The following TMPRSS11F variants were observed in gnomAD, a reference collection of about 807,000 sequenced individuals.
The protein encoded by TMPRSS11F is transmembrane protease serine 11F.
A neutral mutation model predicts 60.2 loss-of-function variants in TMPRSS11F; 47 were observed. That is an observed-to-expected ratio of 0.78 (90% CI 0.62 to 1.00). The LOEUF is 1.00. TMPRSS11F is among the 50% of genes least tolerant of loss of function. The probability of loss-of-function intolerance (pLI) is 0.00; values close to 1 mark genes in which losing one functional copy is unlikely to be tolerated. For synonymous variants in TMPRSS11F, 166 were observed against 167.3 expected (o/e 0.99, Z 0.06); for missense variants, 519 against 522.9 (o/e 0.99, Z 0.07).
intron 3 of TMPRSS11F, among the ~76,000 whole-genome samples, chr4:68,084,128 AT>A (rs1723759655): frequency 6.6e-6 from 1 of 152,158 alleles, no homozygotes; most frequent in South Asian, 2.1e-4. Context: ...GAAAAAAGAA[AT>A]TTTAAAAAAG....
intron 1 of TMPRSS11F, among the ~76,000 whole-genome samples, chr4:68,118,946 C>T (rs1445932289): frequency 6.6e-6 from 1 of 152,076 alleles, no homozygotes; most frequent in Non-Finnish European, 1.5e-5. Flanking sequence ...ATGAAAAAGT[C>T]ATGTTGAAAG....
chr4:68,102,355 C>G (rs776710132), intron 1 of TMPRSS11F, among the ~76,000 whole-genome samples: 1 of 152,106 alleles, frequency 6.6e-6, no homozygotes, highest in African/African-American at 2.4e-5. Flanking sequence ...ATTGCTGAGT[C>G]GTATGGTAGT....
At chr4:68,098,468 T>G (rs1402652857) in intron 2 of TMPRSS11F, among the ~76,000 whole-genome samples, 3 of 152,236 alleles carry the variant, frequency 2.0e-5, no homozygotes, top group Non-Finnish European at 4.4e-5. Flanking sequence ...ATCTGTTTTT[T>G]TCTTCAAAAA....
chr4:68,101,355 GA>G (rs768719796), intron 1 of TMPRSS11F, among the ~76,000 whole-genome samples: 39 of 152,058 alleles, frequency 2.6e-4, no homozygotes, highest in Non-Finnish European at 4.7e-4. Context: ...CCTAATTGTG[GA>G]AAAAAGGTCA....
intron 8 of TMPRSS11F, 36 bp from the exon 9 acceptor site, chr4:68,059,504 T>C (rs779691443): frequency 1.1e-5 from 17 of 1,595,618 alleles, no homozygotes; most frequent in Admixed American, 1.0e-4. Context: ...AAATAAACAG[T>C]ATTCCTCAAA....
intron 2 of TMPRSS11F, among the ~76,000 whole-genome samples, chr4:68,091,604 C>T (rs746527985): frequency 6.6e-6 from 1 of 151,966 alleles, no homozygotes; most frequent in Non-Finnish European, 1.5e-5. Context: ...TTACTTAAAC[C>T]TGCTCCACTT....
chr4:68,094,429 TG>T (rs1004867160), intron 2 of TMPRSS11F, among the ~76,000 whole-genome samples: 2 of 132,448 alleles, frequency 1.5e-5, no homozygotes, highest in African/African-American at 5.4e-5. Context: ...GGGATAGCAT[TG>T]GGAGATATAC....
intron 8 of TMPRSS11F, chr4:68,062,348 A>C: frequency 2.1e-6 from 1 of 471,974 alleles, no homozygotes; most frequent in South Asian, 1.6e-5. Flanking sequence ...TTTCCCAAAC[A>C]AGCTCTATCA....
At chr4:68,060,474 C>T (rs1271721893) in intron 8 of TMPRSS11F, among the ~76,000 whole-genome samples, 2 of 122,354 alleles carry the variant, frequency 1.6e-5, no homozygotes, top group Admixed American at 1.0e-4. Context: ...CAAGATGGCG[C>T]CACTGCACTC....
At chr4:68,066,674 G>A (rs547828510) in intron 7 of TMPRSS11F, among the ~76,000 whole-genome samples, 38 of 152,130 alleles carry the variant, frequency 2.5e-4, no homozygotes, top group African/African-American at 8.2e-4. Context: ...GGTGGTTCAC[G>A]CCTATAATCC....
chr4:68,081,201 T>C (rs111836839), intron 3 of TMPRSS11F, among the ~76,000 whole-genome samples: 1,683 of 152,344 alleles, frequency 0.011, 11 homozygotes, highest in Non-Finnish European at 0.017. Context: ...AGTCAATATC[T>C]GTAGCCTTTT....
At chr4:68,104,038 C>G (rs1724249619) in intron 1 of TMPRSS11F, among the ~76,000 whole-genome samples, 1 of 152,012 alleles carries the variant, frequency 6.6e-6, no homozygotes, top group Admixed American at 6.6e-5. Context: ...CTTATTAGTT[C>G]TAATAGTGTT....
chr4:68,059,517 C>A, intron 8 of TMPRSS11F, 49 bp from the exon 9 acceptor site: 1 of 1,565,468 alleles, frequency 6.4e-7, no homozygotes, highest in South Asian at 1.2e-5. Context: ...TCCTCAAATA[C>A]AATTGTATCT....
intron 1 of TMPRSS11F, among the ~76,000 whole-genome samples, chr4:68,126,745 A>T (rs1036082852): frequency 6.6e-6 from 1 of 152,252 alleles, no homozygotes; most frequent in Non-Finnish European, 1.5e-5. Flanking sequence ...ACAAATTAGC[A>T]TACAAATAGA....
intron 3 of TMPRSS11F, among the ~76,000 whole-genome samples, chr4:68,076,637 C>T (rs79542584): frequency 2.0e-5 from 3 of 152,140 alleles, no homozygotes; most frequent in Admixed American, 2.0e-4. Context: ...TTGAAAGACA[C>T]GCTCAATCCA....
At chr4:68,055,814 T>C (rs192774363) in intron 9 of TMPRSS11F, among the ~76,000 whole-genome samples, 1 of 152,142 alleles carries the variant, frequency 6.6e-6, no homozygotes, top group South Asian at 2.1e-4. Flanking sequence ...AAAATACTCA[T>C]GAACCAAATT....
chr4:68,056,272 A>G (rs925968748), intron 9 of TMPRSS11F, among the ~76,000 whole-genome samples: 4 of 152,160 alleles, frequency 2.6e-5, no homozygotes, highest in Admixed American at 6.6e-5. Context: ...TTATAGATAG[A>G]AAACCCTAAA....
intron 7 of TMPRSS11F, among the ~76,000 whole-genome samples, chr4:68,067,757 C>T: frequency 6.6e-6 from 1 of 152,144 alleles, no homozygotes; most frequent in East Asian, 1.9e-4. Flanking sequence ...GGATGTTACC[C>T]TTAGAAGGAT....
At chr4:68,055,545 G>A (rs1577906466) in intron 9 of TMPRSS11F, among the ~76,000 whole-genome samples, 1 of 152,080 alleles carries the variant, frequency 6.6e-6, no homozygotes, top group East Asian at 1.9e-4. Flanking sequence ...AACCTGAACA[G>A]ATCAATAATA....
Sources: allele counts gnomAD v4.1 joint callset (sites outside exome capture counted in the v4.1 genomes callset), GRCh38; gene constraint gnomAD v4.1.1; transcripts MANE v1.5; gene names NCBI Gene and HGNC (gene_info 2026-07-23, HGNC 2026-07-21).